The following EYS variants were observed in gnomAD, a reference collection of about 807,000 sequenced individuals.
EYS encodes the protein EGF-like photoreceptor maintenance factor.
Under a neutral mutation model 282.1 loss-of-function variants are expected in EYS, and 250 were observed. The observed-to-expected ratio is 0.89, with a 90% CI of 0.80 to 0.98. The LOEUF (loss-of-function observed/expected upper bound fraction) is 0.98, where lower values mean the gene tolerates loss of function less well. EYS is among the 50% of genes least tolerant of loss of function. The pLI is 0.00. For synonymous variants in EYS, 1,355 were observed against 1,282.9 expected (o/e 1.06, Z -1.20); for missense variants, 4,016 against 3,709.0 (o/e 1.08, Z -2.15).
intron 26 of EYS, among the ~76,000 whole-genome samples, chr6:64,473,408 G>A (rs1469057390): frequency 6.6e-6 from 1 of 151,968 alleles, no homozygotes; most frequent in African/African-American, 2.4e-5. Context: ...TAGAAATAAT[G>A]GTAATTGGTA....
intron 2 of EYS, among the ~76,000 whole-genome samples, chr6:65,599,010 T>C (rs1195279985): frequency 1.3e-5 from 2 of 152,044 alleles, no homozygotes; most frequent in Non-Finnish European, 1.5e-5. Flanking sequence ...CAATCATCCC[T>C]CAGTATCCTC....
intron 35 of EYS, among the ~76,000 whole-genome samples, chr6:63,930,588 A>G (rs1489751899): frequency 3.3e-5 from 5 of 152,174 alleles, no homozygotes. Context: ...TACCAAATTA[A>G]TGCTTATTTT....
intron 29 of EYS, among the ~76,000 whole-genome samples, chr6:64,335,331 A>G (rs1770808356): frequency 7.3e-6 from 1 of 136,468 alleles, no homozygotes; most frequent in African/African-American, 2.8e-5. Context: ...CCTTATCTAT[A>G]CTCCCCAACT....
At chr6:65,484,682 G>C (rs1250250895) in intron 5 of EYS, among the ~76,000 whole-genome samples, 1 of 152,136 alleles carries the variant, frequency 6.6e-6, no homozygotes. Flanking sequence ...GGAACGACAG[G>C]AAATTATGAG....
intron 29 of EYS, among the ~76,000 whole-genome samples, chr6:64,334,615 G>C (rs1770774394): frequency 6.6e-6 from 1 of 152,112 alleles, no homozygotes; most frequent in South Asian, 2.1e-4. Flanking sequence ...GGAGATTATA[G>C]TCAGTGAAAC....
intron 26 of EYS, among the ~76,000 whole-genome samples, chr6:64,469,264 A>G (rs1776030484): frequency 6.6e-6 from 1 of 152,202 alleles, no homozygotes. Flanking sequence ...AACTCTAATA[A>G]TAAAACTAGG....
chr6:64,362,006 A>T (rs554914557), intron 29 of EYS, among the ~76,000 whole-genome samples: 16 of 151,914 alleles, frequency 1.1e-4, no homozygotes, highest in Admixed American at 9.9e-4. Flanking sequence ...TTCCAGAAAA[A>T]TTTTTAATTT....
chr6:64,192,981 A>AT (rs953512401), intron 31 of EYS, among the ~76,000 whole-genome samples: 3 of 152,162 alleles, frequency 2.0e-5, no homozygotes, highest in African/African-American at 7.2e-5. Context: ...CACTGGCATC[A>AT]TTTTTCAATC....
intron 22 of EYS, among the ~76,000 whole-genome samples, chr6:64,697,527 A>G (rs1400166297): frequency 1.3e-5 from 2 of 152,326 alleles, no homozygotes; most frequent in East Asian, 3.9e-4. Flanking sequence ...ACAGGACTTT[A>G]GACCAAATAA....
intron 35 of EYS, among the ~76,000 whole-genome samples, chr6:63,914,939 C>A (rs910049472): frequency 6.6e-6 from 1 of 152,090 alleles, no homozygotes; most frequent in Non-Finnish European, 1.5e-5. Context: ...AAAGAAAGAG[C>A]CATCTCTATA....
intron 31 of EYS, among the ~76,000 whole-genome samples, chr6:64,124,384 C>T (rs189933701): frequency 6.6e-6 from 1 of 152,238 alleles, no homozygotes. Context: ...TGGCTAGAAA[C>T]AAATGAAAAG....
At chr6:63,980,791 G>GA (rs901499058) in intron 35 of EYS, among the ~76,000 whole-genome samples, 4 of 151,848 alleles carry the variant, frequency 2.6e-5, no homozygotes, top group Admixed American at 6.6e-5. Context: ...TGGACTGAGG[G>GA]AAAAAAACAG....
intron 35 of EYS, among the ~76,000 whole-genome samples, chr6:63,878,879 GC>G (rs1773052608): frequency 6.6e-6 from 1 of 152,146 alleles, no homozygotes; most frequent in African/African-American, 2.4e-5. Context: ...GTCTGTCATG[GC>G]CTCCCTTGGC....
At chr6:65,099,454 GAGA>G (rs1774832874) in intron 12 of EYS, among the ~76,000 whole-genome samples, 1 of 150,648 alleles carries the variant, frequency 6.6e-6, no homozygotes, top group Non-Finnish European at 1.5e-5. Context: ...TTCAAATAGA[GAGA>G]AGAATAATTA....
chr6:65,604,604 T>C (rs898221357), intron 2 of EYS, among the ~76,000 whole-genome samples: 11 of 151,976 alleles, frequency 7.2e-5, no homozygotes, highest in Non-Finnish European at 1.5e-4. Flanking sequence ...AAATTTTACA[T>C]TAAAATAAAT....
intron 29 of EYS, among the ~76,000 whole-genome samples, chr6:64,347,033 A>G (rs767619095): frequency 4.0e-5 from 6 of 151,420 alleles, no homozygotes; most frequent in Non-Finnish European, 8.9e-5. Flanking sequence ...TTTAAAAACT[A>G]CTTCACATCA....
chr6:64,986,128 C>A (rs1161332905), intron 14 of EYS, among the ~76,000 whole-genome samples: 1 of 151,154 alleles, frequency 6.6e-6, no homozygotes, highest in African/African-American at 2.4e-5. Flanking sequence ...GCCTATATTC[C>A]CATCCACAAA....
At chr6:64,605,439 T>G (rs1489861106) in intron 24 of EYS, among the ~76,000 whole-genome samples, 2 of 151,994 alleles carry the variant, frequency 1.3e-5, no homozygotes, top group East Asian at 3.9e-4. Context: ...GAAATTACTC[T>G]GTGTCAGTCA....
intron 2 of EYS, among the ~76,000 whole-genome samples, chr6:65,618,733 A>C (rs1423714988): frequency 6.6e-6 from 1 of 152,182 alleles, no homozygotes; most frequent in Non-Finnish European, 1.5e-5. Context: ...TTTTTATATA[A>C]GGTGTAAGGA....
Sources: gnomAD v4.1 joint callset for allele counts (sites outside exome capture counted in the v4.1 genomes callset) on GRCh38, gnomAD v4.1.1 for gene constraint, MANE v1.5 for transcripts, NCBI Gene and HGNC (gene_info 2026-07-23, HGNC 2026-07-21) for gene names.